Variants in SHANK2 observed in about 807,000 individuals in gnomAD.
SHANK2 encodes the protein SH3 and multiple ankyrin repeat domains 2.
A neutral mutation model predicts 133.7 loss-of-function variants in SHANK2; 43 were observed. The ratio of observed to expected loss-of-function variants is 0.32; its 90% CI spans 0.25 to 0.41. SHANK2 has a LOEUF of 0.41. SHANK2 is among the 10% of genes least tolerant of loss of function. The pLI is 1.00. For synonymous variants in SHANK2, 1,017 were observed against 952.8 expected (o/e 1.07, Z -1.24); for missense variants, 1,994 against 2,235.8 (o/e 0.89, Z 2.18).
intron 17 of SHANK2, among the ~76,000 whole-genome samples, chr11:70,503,844 G>T (rs1457791747): frequency 6.6e-6 from 1 of 152,234 alleles, no homozygotes; most frequent in African/African-American, 2.4e-5. Context: ...GAGTGATGGA[G>T]ACTGGAACTG....
rs76710047 is a variant in SHANK2, at chr11:70,884,573, G to A, written c.1174+11928C>T. Among the ~76,000 whole-genome samples the A allele has an allele frequency of 4.8e-3, 727 of 152,304 alleles. 7 individuals are homozygous for A. The highest frequency in any genetic ancestry group is 0.017 in the African/African-American group (704 of 41,568). On this transcript the variant is annotated intron_variant, in intron 11 of 25. Coordinates refer to ENST00000601538, the MANE Select transcript of SHANK2 (RefSeq NM_012309.5). ...CTGGAGGAGCTCTGGGGTTCATGGT[G>A]ACCGGATTGGAAGGGAATGACCATT...
chr11:71,137,123 A>G (rs1952454083), intron 3 of SHANK2, among the ~76,000 whole-genome samples: 1 of 152,108 alleles, frequency 6.6e-6, no homozygotes, highest in South Asian at 2.1e-4. Context: ...TCAGCCTCCC[A>G]CAGTGCTGGG....
intron 10 of SHANK2, among the ~76,000 whole-genome samples, chr11:70,941,031 C>A (rs371257185): frequency 7.9e-4 from 121 of 152,300 alleles, no homozygotes; most frequent in African/African-American, 2.8e-3. Flanking sequence ...GTTTGAATCC[C>A]AGGAGGCAGA....
rs913692348 is a variant in SHANK2 at position 71,244,485 on chromosome 11, C to T, written c.-113+7940G>A. Among the ~76,000 whole-genome samples the T allele has an allele frequency of 3.3e-5, 5 of 152,332 alleles. No individual in the cohort carries two copies. The East Asian group carries it at 5.8e-4, about 18-fold the overall frequency. On this transcript the variant is annotated intron_variant, in intron 1 of 25. Transcript: ENST00000601538. ...GTGCAGCCCCGGGAACCAGCCTATT[C>T]GAGAGATCTATGAAGTCAAACCATT...
intron 12 of SHANK2, among the ~76,000 whole-genome samples, chr11:70,818,083 C>T (rs1198953691): frequency 6.6e-6 from 1 of 152,074 alleles, no homozygotes; most frequent in Non-Finnish European, 1.5e-5. Flanking sequence ...TTTACCTGCC[C>T]AAGGTTATGC....
chr11:70,539,043 C>T (rs566548541), intron 17 of SHANK2, among the ~76,000 whole-genome samples: 1 of 152,246 alleles, frequency 6.6e-6, no homozygotes, highest in South Asian at 2.1e-4. Flanking sequence ...GGCCGATGTA[C>T]GGGTTTACTT....
chr11:70,751,471 C>T lies in SHANK2; in HGVS notation c.1777+46972G>A, dbSNP rs185811374. 1.1e-3 allele frequency among the ~76,000 whole-genome samples: 160 copies of T among 152,192 alleles called. 1 individual carries two copies. Among genetic ancestry groups the T allele is most frequent in the African/African-American group, 3.8e-3 (156 of 41,540 alleles). ...CAAGACATTTTTAGATGAAGCAAAACCAAGAACATTTGTGGCCAGCAGGTC... is the reference window on the plus strand; with the variant it reads ...CAAGACATTTTTAGATGAAGCAAAATCAAGAACATTTGTGGCCAGCAGGTC... On this transcript the variant is annotated intron_variant, in intron 14 of 25. Transcript: ENST00000601538.
rs879958500 is a variant in SHANK2 at position 71,175,534 on chromosome 11, CAGAGGG to C, written c.-12-28202_-12-28197del. 0.05 allele frequency among the ~76,000 whole-genome samples: 5,182 copies of C among 103,354 alleles called. 573 individuals are homozygous for C. The highest frequency in any genetic ancestry group is 0.095 in the South Asian group (262 of 2,770). 67.8% of individuals were successfully genotyped at this position (103,354 alleles called of 152,430 possible). A position where few individuals can be genotyped will look rare whatever the true frequency, so the allele number is the denominator to read the frequency against. On this transcript the variant is annotated intron_variant, in intron 2 of 25. Coordinates refer to ENST00000601538, the MANE Select transcript of SHANK2 (RefSeq NM_012309.5). The surrounding 1 kb of genome is among the most constrained non-coding windows in gnomAD (Gnocchi z 4.2). ...GGGCAGAAACAGACAGACAGACAGA[CAGAGGG>C]AGAGGGAGAGGGAGAGAGAGAGAGA...
rs1946477753 is a variant in SHANK2, at chr11:70,739,544, G to A, written c.1778-40781C>T. Among the ~76,000 whole-genome samples the A allele has an allele frequency of 6.6e-6, 1 of 152,116 alleles. No homozygotes were observed. Among genetic ancestry groups the A allele is most frequent in the Admixed American group, 6.5e-5 (1 of 15,276 alleles). ...ACCTGGATCATGACCTGTGGCTGCT[G>A]GGCTCCACCAGATCATGTGATTTGT... On this transcript the variant is annotated intron_variant, in intron 14 of 25. Transcript: ENST00000601538. The surrounding 1 kb of genome is among the most constrained non-coding windows in gnomAD (Gnocchi z 4.3).
Position 70,562,649 on chromosome 11 carries a change from G to T in SHANK2, c.2062-59718C>A, listed in dbSNP as rs181134815. On this transcript the variant is annotated intron_variant, in intron 17 of 25. Transcript: ENST00000601538. The stretch of plus-strand genomic sequence containing the variant: ...CCACCTTCTTACTTTTAACTCTTTT[G>T]TGTCTTTATAATTAAAGCGAGTGCT... Among the ~76,000 whole-genome samples, 97 of 152,080 alleles carry T rather than the reference G, an allele frequency of 6.4e-4. 1 individual carries two copies. The highest frequency in any genetic ancestry group is 2.2e-3 in the African/African-American group (92 of 41,480).
At chr11:70,837,929 G>C (rs1948844609) in intron 11 of SHANK2, among the ~76,000 whole-genome samples, 1 of 141,976 alleles carries the variant, frequency 7.0e-6, no homozygotes, top group African/African-American at 2.7e-5. Context: ...AGCCAAGATG[G>C]TGCCATTGCA....
chr11:71,124,919 A>G (rs73521185), intron 3 of SHANK2, among the ~76,000 whole-genome samples: 1 of 152,158 alleles, frequency 6.6e-6, no homozygotes. Flanking sequence ...TGTGTCACAT[A>G]TGAGTAATTC....
intron 11 of SHANK2, among the ~76,000 whole-genome samples, chr11:70,838,573 A>C (rs1948858235): frequency 6.6e-6 from 1 of 152,058 alleles, no homozygotes; most frequent in Non-Finnish European, 1.5e-5. Context: ...CCTGACTCCT[A>C]GGGCCCCTCT....
chr11:71,194,318 C>CA (rs1953854778), intron 2 of SHANK2, among the ~76,000 whole-genome samples: 1 of 152,278 alleles, frequency 6.6e-6, no homozygotes, highest in South Asian at 2.1e-4. Context: ...GAAGAGACCC[C>CA]AGCATCAGTG....
intron 2 of SHANK2, among the ~76,000 whole-genome samples, chr11:71,158,991 T>G (rs1555109467): frequency 1.3e-5 from 2 of 152,214 alleles, no homozygotes; most frequent in African/African-American, 2.4e-5. Flanking sequence ...GAAGAAAAAG[T>G]AAGAGGCAAT....
In SHANK2 at chr11:70,581,239, T is replaced by C. The variant is rs2060180737; in HGVS notation, c.2062-78308A>G. 1.3e-5 allele frequency among the ~76,000 whole-genome samples: 2 copies of C among 152,238 alleles called. 1 individual carries two copies. The highest frequency in any genetic ancestry group is 2.9e-5 in the Non-Finnish European group (2 of 68,046). Reference sequence around the variant, plus strand: ...ACTGAAATAAAACCACAAACCTGACTGGCTGTTCCAGTACCTTAGGAAAGG... The same window carrying C: ...ACTGAAATAAAACCACAAACCTGACCGGCTGTTCCAGTACCTTAGGAAAGG... On this transcript the variant is annotated intron_variant, in intron 17 of 25. Transcript: ENST00000601538.
chr11:70,815,900 A>T (rs1014169988), intron 12 of SHANK2, among the ~76,000 whole-genome samples: 2 of 152,178 alleles, frequency 1.3e-5, no homozygotes, highest in African/African-American at 4.8e-5. Context: ...GGTGCTGAGC[A>T]TGTGCAGAGG....
intron 6 of SHANK2, among the ~76,000 whole-genome samples, chr11:71,107,461 C>T (rs1291885077): frequency 2.0e-5 from 3 of 152,164 alleles, no homozygotes; most frequent in Non-Finnish European, 4.4e-5. Context: ...ATCAGTAAAC[C>T]AGCCCAGAGG....
intron 2 of SHANK2, among the ~76,000 whole-genome samples, chr11:71,216,250 A>G (rs181820689): frequency 6.6e-6 from 1 of 152,362 alleles, no homozygotes; most frequent in African/African-American, 2.4e-5. Context: ...TTGGATTAAA[A>G]AGATGCTGTA....
Sources: allele counts gnomAD v4.1 joint callset (sites outside exome capture counted in the v4.1 genomes callset), GRCh38; gene constraint gnomAD v4.1.1; non-coding constraint Gnocchi (gnomAD v3.1); transcripts MANE v1.5; gene names NCBI Gene and HGNC (gene_info 2026-07-23, HGNC 2026-07-21).